The following ROR2 variants were observed in gnomAD, a reference collection of about 807,000 sequenced individuals.
ROR2 encodes the protein tyrosine-protein kinase transmembrane receptor ROR2.
A neutral mutation model predicts 74.9 loss-of-function variants in ROR2; 33 were observed. The ratio of observed to expected loss-of-function variants is 0.44; its 90% CI spans 0.33 to 0.59. ROR2 has a LOEUF of 0.59. ROR2 is among the 20% of genes least tolerant of loss of function. ROR2 has a pLI of 0.02. For synonymous variants in ROR2, 586 were observed against 558.7 expected (o/e 1.05, Z -0.69); for missense variants, 1,216 against 1,313.8 (o/e 0.93, Z 1.15).
intron 1 of ROR2, among the ~76,000 whole-genome samples, chr9:91,813,704 C>A (rs1827831860): frequency 6.6e-6 from 1 of 152,170 alleles, no homozygotes; most frequent in South Asian, 2.1e-4. Flanking sequence ...CTGCGCTTTG[C>A]CACTCCATAT....
intron 1 of ROR2, among the ~76,000 whole-genome samples, chr9:91,855,624 G>T (rs560057989): frequency 3.3e-5 from 5 of 152,196 alleles, no homozygotes; most frequent in African/African-American, 9.7e-5. Flanking sequence ...GCCTTTGCTG[G>T]AGGAATGCTT....
At chr9:91,902,496 T>G (rs1457768621) in intron 1 of ROR2, among the ~76,000 whole-genome samples, 1 of 152,034 alleles carries the variant, frequency 6.6e-6, no homozygotes, top group African/African-American at 2.4e-5. Flanking sequence ...GATGGGGAGC[T>G]GGGTGGTCGT....
intron 1 of ROR2, among the ~76,000 whole-genome samples, chr9:91,878,334 G>C (rs1306622442): frequency 6.6e-6 from 1 of 152,100 alleles, no homozygotes; most frequent in Non-Finnish European, 1.5e-5. Context: ...TTCTCCACCT[G>C]GTGAGGATGA....
intron 1 of ROR2, among the ~76,000 whole-genome samples, chr9:91,900,103 A>C (rs1282540452): frequency 6.6e-6 from 1 of 152,228 alleles, no homozygotes; most frequent in African/African-American, 2.4e-5. Context: ...TAAGTTTTAA[A>C]GCCTGCAAAC....
At chr9:91,948,341 C>G (rs1402481196) in intron 1 of ROR2, among the ~76,000 whole-genome samples, 1 of 152,224 alleles carries the variant, frequency 6.6e-6, no homozygotes, top group East Asian at 1.9e-4. Flanking sequence ...CCCGCCACCC[C>G]TCTCCCCCAG....
chr9:91,755,406 C>T (rs1825716482), intron 4 of ROR2, among the ~76,000 whole-genome samples: 1 of 152,210 alleles, frequency 6.6e-6, no homozygotes, highest in Admixed American at 6.5e-5. Context: ...GCAGGAAACC[C>T]GGACAGTCAC....
intron 1 of ROR2, among the ~76,000 whole-genome samples, chr9:91,839,273 T>TGTGTAAGTACAG (rs1554681687): frequency 7.7e-6 from 1 of 130,678 alleles, no homozygotes. Flanking sequence ...TGTGTGTGTG[T>TGTGTAAGTACAG]GTGTGTGTGT....
intron 1 of ROR2, among the ~76,000 whole-genome samples, chr9:91,866,332 C>T (rs1241325888): frequency 6.6e-6 from 1 of 151,394 alleles, no homozygotes; most frequent in African/African-American, 2.4e-5. Context: ...GTTGGTTAGG[C>T]TGGTGTCAAA....
chr9:91,882,297 G>A (rs774470993), intron 1 of ROR2, among the ~76,000 whole-genome samples: 17 of 151,830 alleles, frequency 1.1e-4, no homozygotes, highest in Non-Finnish European at 2.2e-4. Flanking sequence ...TGTAATCCCA[G>A]CTACTAGGGA....
intron 1 of ROR2, among the ~76,000 whole-genome samples, chr9:91,791,865 C>T (rs958703651): frequency 6.6e-6 from 1 of 151,386 alleles, no homozygotes. Context: ...AATACATAAC[C>T]TTTAATACAT....
chr9:91,851,382 AAG>A (rs1829086003), intron 1 of ROR2, among the ~76,000 whole-genome samples: 4 of 151,970 alleles, frequency 2.6e-5, no homozygotes, highest in Admixed American at 2.6e-4. Context: ...AGAAAAGAAA[AAG>A]AAAAAAAATT....
intron 4 of ROR2, among the ~76,000 whole-genome samples, chr9:91,745,029 T>C (rs1450739742): frequency 6.6e-6 from 1 of 152,218 alleles, no homozygotes; most frequent in Non-Finnish European, 1.5e-5. Flanking sequence ...CGGCATTCCA[T>C]GTGTGAGTGC....
At chr9:91,897,112 G>A (rs919464678) in intron 1 of ROR2, among the ~76,000 whole-genome samples, 5 of 152,216 alleles carry the variant, frequency 3.3e-5, no homozygotes, top group Admixed American at 6.5e-5. Context: ...TAGGAAGCAC[G>A]GGTGGGTTGT....
At chr9:91,909,838 G>GTTTTTTTTTTTTTTTTTTTTTTTTTTTT (rs1278227036) in intron 1 of ROR2, among the ~76,000 whole-genome samples, 1 of 63,198 alleles carries the variant, frequency 1.6e-5, no homozygotes, top group African/African-American at 6.5e-5. Flanking sequence ...TTTTTTTTAG[G>GTTTTTTTTTTTTTTTTTTTTTTTTTTTT]TTTGTTTTGT....
At chr9:91,776,178 C>T (rs1019917874) in intron 1 of ROR2, among the ~76,000 whole-genome samples, 7 of 152,144 alleles carry the variant, frequency 4.6e-5, no homozygotes, top group Non-Finnish European at 8.8e-5. Flanking sequence ...CTTCTGTAGC[C>T]AGATGCCGCA....
intron 1 of ROR2, among the ~76,000 whole-genome samples, chr9:91,937,239 C>G (rs1341514043): frequency 6.6e-6 from 1 of 152,100 alleles, no homozygotes; most frequent in Admixed American, 6.6e-5. Flanking sequence ...CACTGTTGGT[C>G]TGGCAGGAAG....
intron 5 of ROR2, among the ~76,000 whole-genome samples, chr9:91,735,645 A>G (rs1587668503): frequency 3.9e-5 from 2 of 50,636 alleles, no homozygotes; most frequent in African/African-American, 7.4e-5. Context: ...TTTTTTTTTG[A>G]GACAGAGTCT....
chr9:91,870,437 C>T (rs537997538), intron 1 of ROR2, among the ~76,000 whole-genome samples: 2 of 152,238 alleles, frequency 1.3e-5, no homozygotes, highest in Non-Finnish European at 2.9e-5. Flanking sequence ...GGCAACTTCC[C>T]CTGCAACTGC....
chr9:91,788,868 A>C (rs1177576386), intron 1 of ROR2, among the ~76,000 whole-genome samples: 1 of 152,076 alleles, frequency 6.6e-6, no homozygotes, highest in Non-Finnish European at 1.5e-5. Context: ...CTCAAAAAAA[A>C]AAAAAAAAAA....
Sources: gnomAD v4.1 joint callset for allele counts (sites outside exome capture counted in the v4.1 genomes callset) on GRCh38, gnomAD v4.1.1 for gene constraint, MANE v1.5 for transcripts, NCBI Gene and HGNC (gene_info 2026-07-23, HGNC 2026-07-21) for gene names.